The following TJP2 variants were observed in gnomAD, a reference collection of about 807,000 sequenced individuals.
TJP2 encodes the protein tight junction protein 2.
TJP2 carries 91 observed loss-of-function variants against 133.1 expected under a neutral mutation model. The observed-to-expected ratio is 0.68, with a 90% confidence interval of 0.58 to 0.81. The LOEUF (loss-of-function observed/expected upper bound fraction) is 0.81, where lower values mean the gene tolerates loss of function less well. Among genes scored for constraint, TJP2 ranks in the 40% least tolerant of loss-of-function variants. TJP2 has a pLI of 0.00. For synonymous variants in TJP2, 592 were observed against 583.4 expected, an observed-to-expected ratio of 1.01 and a Z score of -0.21; for missense variants, 1,541 against 1,565.6, an observed-to-expected ratio of 0.98 and a Z score of 0.26.
chr9:69,242,524 A>G (rs1830645296), intron 17 of TJP2, among the ~76,000 whole-genome samples: 2 of 152,220 alleles, frequency 1.3e-5, no homozygotes, highest in South Asian at 4.1e-4. Flanking sequence ...GTAAGCATTG[A>G]GTTTCATCTA....
At chr9:69,160,673 C>T (rs1287041606) in intron 2 of TJP2, among the ~76,000 whole-genome samples, 1 of 152,212 alleles carries the variant, frequency 6.6e-6, no homozygotes, top group Non-Finnish European at 1.5e-5. Flanking sequence ...CTGATAAAGA[C>T]ATACCCAAGG....
chr9:69,223,129 T>C (rs892128590), intron 5 of TJP2, among the ~76,000 whole-genome samples: 2 of 145,360 alleles, frequency 1.4e-5, no homozygotes, highest in Non-Finnish European at 3.0e-5. Flanking sequence ...TCTATGTTAA[T>C]AAGCTCTCCT....
At chr9:69,136,311 A>G (rs73647083) in intron 1 of TJP2, among the ~76,000 whole-genome samples, 2,891 of 152,276 alleles carry the variant, frequency 0.019, 100 homozygotes, top group African/African-American at 0.066. Context: ...TTGAGACCAG[A>G]AGTTTGAGAC....
At chr9:69,200,821 C>T (rs1826933343) in intron 1 of TJP2, among the ~76,000 whole-genome samples, 1 of 152,166 alleles carries the variant, frequency 6.6e-6, no homozygotes, top group African/African-American at 2.4e-5. Flanking sequence ...ATTTGCTGTT[C>T]CCGCAGCAAT....
intron 11 of TJP2, among the ~76,000 whole-genome samples, chr9:69,231,462 T>G (rs1175856427): frequency 6.6e-6 from 1 of 151,944 alleles, no homozygotes; most frequent in Non-Finnish European, 1.5e-5. Context: ...ATATGAGGTT[T>G]TTTTTTTCTT....
chr9:69,182,140 C>T (rs1825560011), intron 1 of TJP2, among the ~76,000 whole-genome samples: 1 of 152,224 alleles, frequency 6.6e-6, no homozygotes, highest in South Asian at 2.1e-4. Context: ...ACATTGTTCA[C>T]TGGTGTAAAA....
intron 13 of TJP2, 95 bp downstream of exon 13, chr9:69,236,333 A>G: frequency 8.3e-7 from 1 of 1,203,254 alleles, no homozygotes; most frequent in Non-Finnish European, 1.2e-6. Context: ...GAAACCCCAC[A>G]TGATGAGTTC....
rs183930759 is a variant in TJP2 at position 69,167,143 on chromosome 9, C to T, written c.-10+15372C>T. On this transcript the variant is annotated intron_variant, in intron 2 of 5. Coordinates refer to the TJP2 transcript ENST00000423935. ...GTAATCCCAGTTTGGGAGGCTGAGG[C>T]AGGATAATTGCTTGAACTCAGGAGG... Among the ~76,000 whole-genome samples, 63 of 151,644 alleles carry T rather than the reference C, an allele frequency of 4.2e-4. 1 individual carries two copies. In the East Asian group the frequency reaches 8.8e-3, roughly 21 times the overall value.
intron 1 of TJP2, chr9:69,205,004 C>G: frequency 7.3e-7 from 1 of 1,366,626 alleles, no homozygotes; most frequent in South Asian, 2.1e-5. Flanking sequence ...CGTTTGGCAT[C>G]CCTGCCATAT....
intron 1 of TJP2, among the ~76,000 whole-genome samples, chr9:69,175,085 C>A (rs2132942808): frequency 6.6e-6 from 1 of 152,258 alleles, no homozygotes; most frequent in Non-Finnish European, 1.5e-5. Flanking sequence ...TATAAATAAT[C>A]AGGGATTTCT....
At chr9:69,192,740 A>C (rs1248811657) in intron 1 of TJP2, among the ~76,000 whole-genome samples, 1 of 152,146 alleles carries the variant, frequency 6.6e-6, no homozygotes, top group East Asian at 1.9e-4. Context: ...AGCGTGCTGC[A>C]GCAGTGGCTT....
rs1270641336 is a variant in TJP2 at position 69,254,712 on chromosome 9, C to T, written c.*338C>T. On this transcript the variant is annotated 3_prime_UTR_variant, in exon 23 of 23. Coordinates refer to ENST00000377245, the MANE Select transcript of TJP2 (RefSeq NM_004817.4). ...TTAAGAAGCAATAACTATTTTTCCT[C>T]ATTAATAGCTGCCTTCAAGGACTGT... 3 of 561,728 alleles carry T rather than the reference C, an allele frequency of 5.3e-6. No individual in the cohort carries two copies. In the East Asian group the frequency reaches 8.4e-5, roughly 16 times the overall value. 34.8% of individuals were successfully genotyped at this position (561,728 alleles called of 1,614,324 possible).
chr9:69,248,464 A>C (rs1257735080), intron 19 of TJP2: 2 of 1,352,710 alleles, frequency 1.5e-6, no homozygotes, highest in African/African-American at 2.9e-5. Flanking sequence ...CCATGCCCTC[A>C]GGTGCGATGG....
At chr9:69,153,905 G>A (rs1024180607) in intron 2 of TJP2, among the ~76,000 whole-genome samples, 1 of 152,190 alleles carries the variant, frequency 6.6e-6, no homozygotes, top group Non-Finnish European at 1.5e-5. Context: ...GGGTGAGCTT[G>A]AGTGATGTGG....
chr9:69,171,827 C>T (rs941478313), upstream of TJP2, among the ~76,000 whole-genome samples: 7 of 111,728 alleles, frequency 6.3e-5, no homozygotes, highest in South Asian at 3.0e-4. Flanking sequence ...GACGGAATCT[C>T]GCTCTGTCAC....
intron 1 of TJP2, among the ~76,000 whole-genome samples, chr9:69,151,271 C>T (rs534771974): frequency 5.3e-5 from 8 of 152,124 alleles, no homozygotes; most frequent in South Asian, 4.2e-4. Flanking sequence ...CACCTGAGGT[C>T]GGGAGTTCAA....
At chr9:69,163,094 C>T (rs1824172892) in intron 2 of TJP2, among the ~76,000 whole-genome samples, 1 of 41,820 alleles carries the variant, frequency 2.4e-5, no homozygotes, top group Admixed American at 3.5e-4. Flanking sequence ...GGCGGGATCT[C>T]GGCTCACTGC....
intron 22 of TJP2, chr9:69,253,160 C>T: frequency 1.9e-6 from 1 of 525,556 alleles, no homozygotes; most frequent in Non-Finnish European, 3.4e-6. Flanking sequence ...CACATTGGAG[C>T]CTGGTTATGT....
intron 22 of TJP2, 55 bp from the exon 23 acceptor site, chr9:69,254,154 C>T (rs1002872611): frequency 7.4e-5 from 119 of 1,601,696 alleles, no homozygotes; most frequent in Middle Eastern, 3.3e-4. Flanking sequence ...CCTCCCCGGG[C>T]AGCCGGAGGA....
Sources: gnomAD v4.1 joint callset for allele counts (sites outside exome capture counted in the v4.1 genomes callset) on GRCh38, gnomAD v4.1.1 for gene constraint, MANE v1.5 for transcripts, NCBI Gene and HGNC (gene_info 2026-07-23, HGNC 2026-07-21) for gene names.